The following ZNF469 variants were observed in gnomAD, a reference collection of about 807,000 sequenced individuals.
The protein encoded by ZNF469 is zinc finger protein 469.
In ZNF469, 1 loss-of-function variant was observed where a neutral mutation model predicts 1.0. The observed-to-expected ratio is 1.00, with a 90% CI of 0.35 to 4.73. ZNF469 has a LOEUF of 4.73. Among genes scored for constraint, ZNF469 ranks in the 30% most tolerant of loss-of-function variants. The pLI is 0.16. For missense variants in ZNF469, 6,100 were observed against 5,356.3 expected (o/e 1.14, Z -4.33); for synonymous variants, 2,703 against 2,363.4 (o/e 1.14, Z -4.17).
chr16:88,208,956 C>G, the ZNF469 span, among the ~76,000 whole-genome samples: 1 of 152,016 alleles, frequency 6.6e-6, no homozygotes, highest in African/African-American at 2.4e-5. Context: ...CTTATTTGCT[C>G]AGTCCTAGAA....
chr16:88,369,488 T>C, the ZNF469 span, among the ~76,000 whole-genome samples: 3 of 152,140 alleles, frequency 2.0e-5, no homozygotes, highest in Non-Finnish European at 4.4e-5. Context: ...GAGGAGAATA[T>C]GGGAATTGAA....
chr16:88,151,275 G>C, the ZNF469 span, among the ~76,000 whole-genome samples: 1 of 152,260 alleles, frequency 6.6e-6, no homozygotes, highest in Non-Finnish European at 1.5e-5. The surrounding 1 kb of genome is among the most constrained non-coding windows in gnomAD (Gnocchi z 5.4). Flanking sequence ...GACGACCCCA[G>C]ATCACACGGG....
the ZNF469 span, among the ~76,000 whole-genome samples, chr16:88,200,665 A>G: frequency 6.6e-6 from 1 of 152,230 alleles, no homozygotes. Context: ...CAGACCAGGG[A>G]CCAGCAGCTG....
At chr16:88,311,397 C>T in the ZNF469 span, among the ~76,000 whole-genome samples, 6 of 152,312 alleles carry the variant, frequency 3.9e-5, no homozygotes, top group Middle Eastern at 3.4e-3. Context: ...TACATTTACA[C>T]AGCACTCCCA....
In ZNF469 at chr16:88,428,270, G is replaced by T; in HGVS notation, c.800G>T (p.Ser267Ile). 6.4e-7 allele frequency: 1 copy of T among 1,550,422 alleles called. No homozygotes were observed. The highest frequency in any genetic ancestry group is 8.7e-7 in the Non-Finnish European group (1 of 1,146,962). ...PIPKGSRPGGSPRGVSFQFPF... is the reference protein window; with the variant it reads ...PIPKGSRPGGIPRGVSFQFPF... The stretch of plus-strand genomic sequence containing the variant: ...CCCAAAGGCAGCAGGCCCGGCGGCA[G>T]CCCCAGGGGAGTTTCCTTCCAGTTC... Residue 267 changes from serine (S) to isoleucine (I), a missense_variant, in exon 3 of 3, where the codon AGC becomes ATC. Physicochemically the swap from Ser to Ile is moderately radical, Grantham distance 142. Coordinates refer to ENST00000565624, the MANE Select transcript of ZNF469 (RefSeq NM_001367624.2).
At chr16:88,418,653 C>A (rs1394633495) in intron 1 of ZNF469, among the ~76,000 whole-genome samples, 2 of 151,650 alleles carry the variant, frequency 1.3e-5, no homozygotes, top group Non-Finnish European at 2.9e-5. Context: ...CCCGATAAGA[C>A]AGGACGAACA....
At chr16:88,136,022 G>C in the ZNF469 span, among the ~76,000 whole-genome samples, 23 of 152,022 alleles carry the variant, frequency 1.5e-4, no homozygotes, top group African/African-American at 5.6e-4. Flanking sequence ...GCCTCCCAAA[G>C]TGCTGGGATT....
At chr16:88,189,903 A>T in the ZNF469 span, among the ~76,000 whole-genome samples, 1 of 152,204 alleles carries the variant, frequency 6.6e-6, no homozygotes, top group Non-Finnish European at 1.5e-5. The surrounding 1 kb of genome is among the most constrained non-coding windows in gnomAD (Gnocchi z 4.3). Flanking sequence ...TGGGTGACAG[A>T]GTGGGACTGT....
chr16:88,383,596 G>T (rs1469270339), intron 1 of ZNF469, among the ~76,000 whole-genome samples: 1 of 150,472 alleles, frequency 6.6e-6, no homozygotes, highest in Non-Finnish European at 1.5e-5. Context: ...GCCGCGGAGC[G>T]AGGGGCTCGG....
chr16:88,158,745 T>C, the ZNF469 span, among the ~76,000 whole-genome samples: 1 of 152,178 alleles, frequency 6.6e-6, no homozygotes, highest in East Asian at 1.9e-4. Context: ...GGACAGCAGC[T>C]CCTGCCCTCC....
chr16:88,227,057 G>T, the ZNF469 span, among the ~76,000 whole-genome samples: 1 of 141,094 alleles, frequency 7.1e-6, no homozygotes, highest in African/African-American at 2.6e-5. Flanking sequence ...CCGCGCCGGG[G>T]CCTGCGCGTT....
Position 88,430,617 on chromosome 16 carries a change from G to C in ZNF469, c.3147G>C (p.Glu1049Asp), listed in dbSNP as rs1400185350. ...CTCGGGGCGGCGCCTGGGGCAAGGA[G>C]CTCATTCTGAAGATCGTGCAGCAGA... The part of the protein sequence containing the change: ...RKARGGAWGK[E>D]LILKIVQQKN... The change falls in exon 3 of 3, where the codon GAG becomes GAC. Residue 1049 changes from glutamate (E) to aspartate (D), a missense_variant. Transcript: ENST00000565624. The C allele has an allele frequency of 1.7e-5, 26 of 1,502,174 alleles. No individual in the cohort carries two copies. The highest frequency in any genetic ancestry group is 2.3e-5 in the Non-Finnish European group (26 of 1,131,204). 93.1% of individuals were successfully genotyped at this position (1,502,174 alleles called of 1,614,324 possible). A position where few individuals can be genotyped will look rare whatever the true frequency, so the allele number is the denominator to read the frequency against.
chr16:88,202,339 G>A, the ZNF469 span, among the ~76,000 whole-genome samples: 734 of 152,262 alleles, frequency 4.8e-3, 4 homozygotes, highest in Non-Finnish European at 8.7e-3. Flanking sequence ...GCTTTGGCTC[G>A]GGCTCAGGAC....
chr16:88,289,985 C>T, the ZNF469 span, among the ~76,000 whole-genome samples: 1 of 152,178 alleles, frequency 6.6e-6, no homozygotes, highest in Non-Finnish European at 1.5e-5. Flanking sequence ...TCAGAGCACA[C>T]AGGAGACACT....
the ZNF469 span, among the ~76,000 whole-genome samples, chr16:88,235,303 G>A: frequency 2.6e-5 from 4 of 152,108 alleles, no homozygotes; most frequent in South Asian, 6.2e-4. Flanking sequence ...CCTTTTTAAC[G>A]GCTCATTTCT....
chr16:88,428,468 C>T lies in ZNF469; in HGVS notation c.998C>T (p.Ser333Leu). 6.5e-7 allele frequency: 1 copy of T among 1,549,060 alleles called. No individual in the cohort carries two copies. Among genetic ancestry groups the T allele is most frequent in the Non-Finnish European group, 8.7e-7 (1 of 1,146,770 alleles). The change falls in exon 3 of 3, where the codon TCA becomes TTA. Residue 333 changes from serine (S) to leucine (L), a missense_variant. Transcript: ENST00000565624. Reference sequence around the variant, plus strand: ...CCGCTGCCCACCCAGCCTGCGCCCTCACCCCTGCCCTGCTACCAGGGCCAG... The same window carrying T: ...CCGCTGCCCACCCAGCCTGCGCCCTTACCCCTGCCCTGCTACCAGGGCCAG... ...AYPLPTQPAPSPLPCYQGQPG... is the reference protein window; with the variant it reads ...AYPLPTQPAPLPLPCYQGQPG...
the ZNF469 span, among the ~76,000 whole-genome samples, chr16:88,350,385 G>A: frequency 3.3e-5 from 5 of 152,246 alleles, no homozygotes; most frequent in Non-Finnish European, 7.3e-5. Flanking sequence ...GGCACCTCCC[G>A]GCGCACCCAC....
At chr16:88,394,095 G>A (rs1373698106) in intron 1 of ZNF469, among the ~76,000 whole-genome samples, 3 of 133,458 alleles carry the variant, frequency 2.2e-5, no homozygotes, top group Non-Finnish European at 3.4e-5. Context: ...GGTTTGACAC[G>A]ACTACACCTG....
chr16:88,331,114 CCACCATCACCATCGTCACCAT>C, the ZNF469 span, among the ~76,000 whole-genome samples: 1 of 150,452 alleles, frequency 6.6e-6, no homozygotes, highest in Non-Finnish European at 1.5e-5. Context: ...ACCATCGCCA[CCACCATCACCATCGTCACCAT>C]CACCATCACC....
Sources: allele counts gnomAD v4.1 joint callset (sites outside exome capture counted in the v4.1 genomes callset), GRCh38; gene constraint gnomAD v4.1.1; non-coding constraint Gnocchi (gnomAD v3.1); transcripts MANE v1.5; gene names NCBI Gene and HGNC (gene_info 2026-07-23, HGNC 2026-07-21).